Variants in PEX13 observed in about 807,000 individuals in gnomAD.
PEX13 encodes peroxisomal biogenesis factor 13.
A neutral mutation model predicts 34.5 loss-of-function variants in PEX13; 28 were observed. The observed-to-expected ratio is 0.81, with a 90% CI of 0.60 to 1.11. PEX13 has a LOEUF of 1.11. Among genes scored for constraint, PEX13 ranks in the 50% most tolerant of loss-of-function variants. The pLI, the probability that PEX13 is intolerant of heterozygous loss-of-function variation, is 0.00. For missense variants in PEX13, 550 were observed against 491.0 expected (o/e 1.12, Z -1.13); for synonymous variants, 177 against 175.1 (o/e 1.01, Z -0.09).
At chr2:61,025,259 C>T (rs1181380188) in intron 1 of PEX13, among the ~76,000 whole-genome samples, 6 of 151,884 alleles carry the variant, frequency 4.0e-5, no homozygotes, top group South Asian at 4.2e-4. Context: ...TTAATAGAGA[C>T]GGGGTTTCAC....
rs118069614 is a variant in PEX13, at chr2:61,024,871, T to G, written c.93-6548T>G. Among the ~76,000 whole-genome samples, 766 of 152,190 alleles carry G rather than the reference T, an allele frequency of 5.0e-3. 8 individuals carry two copies. In the East Asian group the frequency reaches 0.059, roughly 12 times the overall value. On this transcript the variant is annotated intron_variant, in intron 1 of 3. Coordinates refer to ENST00000295030, the MANE Select transcript of PEX13 (RefSeq NM_002618.4). ...TCATAATTTCAGGTTTGGTTTGGTG[T>G]TGTTTTTAGTTGTAGAATCTTCATT...
intron 3 of PEX13, 30 bp downstream of exon 3, chr2:61,045,881 C>T: frequency 6.4e-7 from 1 of 1,570,048 alleles, no homozygotes; most frequent in Non-Finnish European, 8.8e-7. Context: ...TTGGAATTAT[C>T]TGTAAATTTT....
Position 61,048,453 on chromosome 2 carries a change from T to G in PEX13, c.914-19T>G, listed in dbSNP as rs1332409116. On this transcript the variant is annotated intron_variant, in intron 3 of 3. Transcript: ENST00000295030. The stretch of plus-strand genomic sequence containing the variant: ...CCAAAGTATATTGTAATTACAAGAC[T>G]GTCTTTTTTTTCCATCAGAACAACA... 6.2e-7 allele frequency: 1 copy of G among 1,608,492 alleles called. No individual in the cohort carries two copies. The highest frequency in any genetic ancestry group is 8.5e-7 in the Non-Finnish European group (1 of 1,175,922).
At chr2:61,019,449 A>G (rs902715760) in intron 1 of PEX13, among the ~76,000 whole-genome samples, 1 of 152,062 alleles carries the variant, frequency 6.6e-6, no homozygotes, top group Non-Finnish European at 1.5e-5. Flanking sequence ...CAAAATTGTC[A>G]TATTTTATTG....
intron 2 of PEX13, among the ~76,000 whole-genome samples, chr2:61,042,438 T>C (rs1559043065): frequency 6.6e-6 from 1 of 152,160 alleles, no homozygotes; most frequent in Admixed American, 6.6e-5. Context: ...GAAAAAAGTG[T>C]ACTTTGAGTG....
intron 2 of PEX13, among the ~76,000 whole-genome samples, chr2:61,035,939 C>T (rs933620817): frequency 1.3e-5 from 2 of 149,272 alleles, no homozygotes; most frequent in Admixed American, 6.7e-5. Context: ...GCCAAGATCA[C>T]ACCATTGCAC....
At chr2:61,027,209 A>T (rs910647411) in intron 1 of PEX13, among the ~76,000 whole-genome samples, 3 of 150,858 alleles carry the variant, frequency 2.0e-5, no homozygotes, top group Admixed American at 6.6e-5. Flanking sequence ...ATGGTGGTGC[A>T]CGCCTGTAGT....
At chr2:61,044,214 T>C (rs568193475) in intron 2 of PEX13, among the ~76,000 whole-genome samples, 127 of 152,240 alleles carry the variant, frequency 8.3e-4, no homozygotes, top group Admixed American at 1.9e-3. Context: ...CCCAAAGTGC[T>C]GAGTGAGATT....
At chr2:61,031,051 A>T (rs530247524) in intron 1 of PEX13, among the ~76,000 whole-genome samples, 1 of 152,324 alleles carries the variant, frequency 6.6e-6, no homozygotes, top group South Asian at 2.1e-4. Flanking sequence ...GCACTTTAGG[A>T]AACCAAGGCA....
At position 61,031,634 on chromosome 2, in the gene PEX13, T is replaced by A; in HGVS notation, c.308T>A (p.Leu103Gln). ...CCTTATAGTTATGGATATAATGGGC[T>A]GGGCTACAACCGCCTCCGTGTAGAT... Reference protein sequence around the residue: ...YSPYSYGYNGLGYNRLRVDDL... With the variant: ...YSPYSYGYNGQGYNRLRVDDL... The change falls in exon 2 of 4, where the codon CTG (leucine) becomes CAG (glutamine). Residue 103 changes from leucine to glutamine, a missense_variant. By Grantham distance (113) the Leu-to-Gln change is moderately radical. Coordinates refer to ENST00000295030, the MANE Select transcript of PEX13 (RefSeq NM_002618.4). The A allele has an allele frequency of 1.2e-6, 2 of 1,614,192 alleles. No individual in the cohort carries two copies. Among genetic ancestry groups the A allele is most frequent in the Non-Finnish European group, 8.5e-7 (1 of 1,180,026 alleles).
intron 1 of PEX13, among the ~76,000 whole-genome samples, chr2:61,020,354 C>G (rs1680234440): frequency 6.6e-6 from 1 of 151,840 alleles, no homozygotes; most frequent in Non-Finnish European, 1.5e-5. Context: ...TTTACATTTT[C>G]CAGTTGGTTA....
intron 1 of PEX13, 86 bp downstream of exon 1, chr2:61,017,937 G>A (rs1680122690): frequency 1.4e-6 from 2 of 1,412,596 alleles, no homozygotes; most frequent in Admixed American, 2.0e-5. Flanking sequence ...GTTAGTGGAG[G>A]TATTCCCTTC....
chr2:61,035,326 A>G (rs1680517390), intron 2 of PEX13, among the ~76,000 whole-genome samples: 1 of 152,242 alleles, frequency 6.6e-6, no homozygotes, highest in Non-Finnish European at 1.5e-5. Context: ...TAGGTTGCCA[A>G]CATCAAAGAC....
chr2:61,036,087 G>T (rs781280794), intron 2 of PEX13, among the ~76,000 whole-genome samples: 1 of 151,946 alleles, frequency 6.6e-6, no homozygotes, highest in East Asian at 1.9e-4. Flanking sequence ...AGAGAAAAAA[G>T]AGTGAAAAGA....
At position 61,017,825 on chromosome 2, in the gene PEX13, G is replaced by A. The variant is rs1264694420; in HGVS notation, c.66G>A (p.Pro22=). ...CCCGCCGAATTCCGGGAGCCGGACC[G>A]GGACCAGGACCGGGCCCCACTTTCC... ...WETRRIPGAG[P]GPGPGPTFQS... is the part of the protein sequence containing the mutation. Residue 22 remains proline, a synonymous_variant, in exon 1 of 4, where the codon CCG becomes CCA. Transcript: ENST00000295030. 7.7e-6 allele frequency: 12 copies of A among 1,550,422 alleles called. No individual in the cohort carries two copies. The East Asian group carries it at 9.7e-5, about 13-fold the overall frequency.
chr2:61,019,280 A>G (rs1680197645), intron 1 of PEX13, among the ~76,000 whole-genome samples: 1 of 151,642 alleles, frequency 6.6e-6, no homozygotes, highest in African/African-American at 2.4e-5. Flanking sequence ...CTGTTGCCCA[A>G]TTTTCTATTG....
At chr2:61,017,908 G>C (rs967971414) in intron 1 of PEX13, 57 bp downstream of exon 1, 140 of 1,507,130 alleles carry the variant, frequency 9.3e-5, no homozygotes, top group Non-Finnish European at 1.2e-4. Context: ...GGACTTGGCA[G>C]GAGGCGGTTG....
chr2:61,021,854 G>A (rs927684423), intron 1 of PEX13, among the ~76,000 whole-genome samples: 1 of 152,212 alleles, frequency 6.6e-6, no homozygotes, highest in Non-Finnish European at 1.5e-5. Flanking sequence ...TTGCTGTTCT[G>A]TAGCCTCTGC....
intron 1 of PEX13, among the ~76,000 whole-genome samples, chr2:61,027,625 G>A (rs1231486436): frequency 1.3e-5 from 2 of 152,174 alleles, no homozygotes; most frequent in East Asian, 3.8e-4. Flanking sequence ...ATTGAAGCCT[G>A]CATCTTGGCT....
Sources: gnomAD v4.1 joint callset for allele counts (sites outside exome capture counted in the v4.1 genomes callset) on GRCh38, gnomAD v4.1.1 for gene constraint, MANE v1.5 for transcripts, NCBI Gene and HGNC (gene_info 2026-07-23, HGNC 2026-07-21) for gene names.